The following DNAJA4 variants were observed in gnomAD, a reference collection of about 807,000 sequenced individuals.
The protein encoded by DNAJA4 is dnaJ homolog subfamily A member 4.
Under a neutral mutation model 39.7 loss-of-function variants are expected in DNAJA4, and 32 were observed. The ratio of observed to expected loss-of-function variants is 0.81; its 90% confidence interval spans 0.61 to 1.08. The LOEUF (loss-of-function observed/expected upper bound fraction) is 1.08. Among genes scored for constraint, DNAJA4 ranks in the 50% least tolerant of loss-of-function variants. The pLI, the probability that DNAJA4 is intolerant of heterozygous loss-of-function variation, is 0.00. For missense variants in DNAJA4, 439 were observed against 505.1 expected (o/e 0.87, Z 1.25); for synonymous variants, 184 against 182.4 (o/e 1.01, Z -0.07).
intron 5 of DNAJA4, chr15:78,278,206 A>G (rs1452253860): frequency 2.2e-6 from 1 of 456,038 alleles, no homozygotes; most frequent in Non-Finnish European, 4.4e-6. Context: ...TTCTTCTCTT[A>G]CCTGTAGTTT....
In DNAJA4 at chr15:78,279,554, C is replaced by T. The variant is rs552839427; in HGVS notation, c.878-491C>T. On this transcript the variant is annotated intron_variant, in intron 5 of 6. Coordinates refer to ENST00000394852, the MANE Select transcript of DNAJA4 (RefSeq NM_001130182.2). This position sits in a 1 kb window ranked among gnomAD's most constrained non-coding sequence, Gnocchi z 4.5. ...GTGGCCAAGCCACCTAGTGAGCTCC[C>T]TACCAAGGAACCTGGGTGTCACCTG... The T allele has an allele frequency of 1.2e-5, 2 of 164,620 alleles. No homozygotes were observed. Among genetic ancestry groups the T allele is most frequent in the Admixed American group, 5.5e-5 (1 of 18,020 alleles). 10.2% of individuals were successfully genotyped at this position (164,620 alleles called of 1,614,324 possible).
intron 5 of DNAJA4, among the ~76,000 whole-genome samples, chr15:78,276,244 A>G (rs1293380372): frequency 6.6e-6 from 1 of 152,228 alleles, no homozygotes; most frequent in East Asian, 1.9e-4. Context: ...ATGTTCCTGT[A>G]GCCTCTGTTG....
At chr15:78,265,373 AAC>A in intron 1 of DNAJA4, 2 of 659,424 alleles carry the variant, frequency 3.0e-6, no homozygotes, top group East Asian at 5.4e-5. Flanking sequence ...ACCTTGGACA[AAC>A]GCCGTGCCTC....
chr15:78,270,478 C>T lies in DNAJA4; in HGVS notation c.133-19C>T, dbSNP rs768138563. The stretch of plus-strand genomic sequence containing the variant: ...AACTGAAACTTCTCTAAAAATCTCT[C>T]TCTCTCTCTCTTTTAAAGTTTAAAC... On this transcript the variant is annotated intron_variant, in intron 1 of 6. Coordinates refer to ENST00000394852, the MANE Select transcript of DNAJA4 (RefSeq NM_001130182.2). 5 of 1,595,546 alleles carry T rather than the reference C, an allele frequency of 3.1e-6. No individual in the cohort carries two copies. The highest frequency in any genetic ancestry group is 3.4e-6 in the Non-Finnish European group (4 of 1,171,632).
intron 1 of DNAJA4, among the ~76,000 whole-genome samples, chr15:78,268,797 C>A (rs74998721): frequency 6.6e-6 from 1 of 152,340 alleles, no homozygotes; most frequent in Non-Finnish European, 1.5e-5. Context: ...ACAAAACCCC[C>A]CATCTTCATG....
rs1567118324 is a variant in DNAJA4, at chr15:78,275,601, T to A, written c.750T>A (p.Ser250Arg). 1.2e-6 allele frequency: 2 copies of A among 1,614,196 alleles called. No homozygotes were observed. The highest frequency in any genetic ancestry group is 1.7e-6 in the Non-Finnish European group (2 of 1,180,010). ...VIIVLDQKDH[S>R]VFQRRGHDLI... is the part of the protein sequence containing the mutation. ...TTGTGCTTGATCAGAAGGATCATAG[T>A]GTCTTTCAGAGACGAGGCCATGACT... Residue 250 changes from serine (S) to arginine (R), a missense_variant, in exon 5 of 7, where the codon AGT becomes AGA. Coordinates refer to ENST00000394852, the MANE Select transcript of DNAJA4 (RefSeq NM_001130182.2).
intron 2 of DNAJA4, 25 bp from the exon 3 acceptor site, chr15:78,273,070 C>G: frequency 7.5e-7 from 1 of 1,338,184 alleles, no homozygotes; most frequent in Non-Finnish European, 1.1e-6. Context: ...TTCAACGCCA[C>G]TAATTTTTTT....
At position 78,264,720 on chromosome 15, in the gene DNAJA4, G is replaced by A. The variant is rs761548457; in HGVS notation, c.-44G>A. 2.1e-6 allele frequency: 3 copies of A among 1,406,308 alleles called. No homozygotes were observed. The highest frequency in any genetic ancestry group is 2.8e-6 in the Non-Finnish European group (3 of 1,068,684). The allele number at this position is 1,406,308 out of a possible 1,614,324, so 87.1% of individuals were successfully genotyped here. On this transcript the variant is annotated 5_prime_UTR_variant, in exon 1 of 7. Coordinates refer to ENST00000394852, the MANE Select transcript of DNAJA4 (RefSeq NM_001130182.2). Reference sequence around the variant, plus strand: ...GGCCAGGGTGCCGGCAGGGGCGTCCGGGGCGCTCTGACCGGCCTCGCCCGC... The same window carrying A: ...GGCCAGGGTGCCGGCAGGGGCGTCCAGGGCGCTCTGACCGGCCTCGCCCGC...
Position 78,280,415 on chromosome 15 carries a change from G to A in DNAJA4, c.1149G>A (p.Glu383=). The A allele has an allele frequency of 6.2e-7, 1 of 1,613,758 alleles. No homozygotes were observed. The highest frequency in any genetic ancestry group is 8.5e-7 in the Non-Finnish European group (1 of 1,179,948). ...NWRQHREAYE[E]DEDGPQAGVQ... ...GTCAGCACAGGGAGGCCTACGAGGA[G>A]GACGAAGACGGGCCCCAGGCTGGAG... The change falls in exon 7 of 7, where the codon GAG becomes GAA. Residue 383 remains glutamate, a synonymous_variant. Transcript: ENST00000394852.
chr15:78,264,354 C>T (rs1221172112), upstream of DNAJA4: 2 of 1,449,654 alleles, frequency 1.4e-6, no homozygotes, highest in Non-Finnish European at 1.8e-6. Flanking sequence ...TCCGGGGAAT[C>T]AGACGGGCAG....
At chr15:78,273,831 G>A (rs2049369745) in intron 3 of DNAJA4, among the ~76,000 whole-genome samples, 1 of 152,166 alleles carries the variant, frequency 6.6e-6, no homozygotes, top group Admixed American at 6.5e-5. Flanking sequence ...TGGCTGAGCT[G>A]GGTAGCTGCC....
In DNAJA4 at chr15:78,275,629, A is replaced by G; in HGVS notation, c.778A>G (p.Ile260Val). ...CTTTCAGAGACGAGGCCATGACTTGATCATGAAAATGAAAATTCAGCTTTC... is the reference window on the plus strand; with the variant it reads ...CTTTCAGAGACGAGGCCATGACTTGGTCATGAAAATGAAAATTCAGCTTTC... ...SVFQRRGHDL[I>V]MKMKIQLSEA... Residue 260 changes from isoleucine to valine, a missense_variant, in exon 5 of 7, where the codon ATC (isoleucine) becomes GTC (valine). Ile to Val is a conservative substitution (Grantham distance 29). Transcript: ENST00000394852. The G allele has an allele frequency of 6.2e-7, 1 of 1,614,206 alleles. No homozygotes were observed. Among genetic ancestry groups the G allele is most frequent in the Non-Finnish European group, 8.5e-7 (1 of 1,180,004 alleles).
Position 78,280,354 on chromosome 15 carries a change from A to C in DNAJA4, c.1088A>C (p.Glu363Ala). Reference protein sequence around the residue: ...VRITDDMDQVELKEFCPNEQN... With the variant: ...VRITDDMDQVALKEFCPNEQN... Reference sequence around the variant, plus strand: ...ATTACAGATGACATGGATCAGGTGGAGCTGAAGGAGTTTTGTCCCAATGAG... The same window carrying C: ...ATTACAGATGACATGGATCAGGTGGCGCTGAAGGAGTTTTGTCCCAATGAG... The change falls in exon 7 of 7, where the codon GAG (glutamate) becomes GCG (alanine). Residue 363 changes from glutamate to alanine, a missense_variant. By Grantham distance (107) the Glu-to-Ala change is moderately radical. Coordinates refer to ENST00000394852, the MANE Select transcript of DNAJA4 (RefSeq NM_001130182.2). 1 of 1,614,228 alleles carries C rather than the reference A, an allele frequency of 6.2e-7. No homozygotes were observed. The highest frequency in any genetic ancestry group is 8.5e-7 in the Non-Finnish European group (1 of 1,180,040).
chr15:78,270,453 A>G (rs1274929258), intron 1 of DNAJA4, 44 bp from the exon 2 acceptor site: 1 of 1,586,494 alleles, frequency 6.3e-7, no homozygotes, highest in African/African-American at 1.4e-5. Flanking sequence ...TTAACAAAAC[A>G]ACTGAAACTT....
At position 78,264,571 on chromosome 15, in the gene DNAJA4, G is replaced by C; in HGVS notation, c.-193G>C. On this transcript the variant is annotated 5_prime_UTR_variant, in exon 1 of 7. Transcript: ENST00000394852. ...AGGAGCCGGTGGCTCTAGTGCGGTG[G>C]AGCCAGGCGTGGAAGTCGGTCCGGC... is the stretch of plus-strand genomic sequence containing the variant. 1 of 1,197,370 alleles carries C rather than the reference G, an allele frequency of 8.4e-7. No homozygotes were observed. Among genetic ancestry groups the C allele is most frequent in the Non-Finnish European group, 1.0e-6 (1 of 966,348 alleles). The allele number at this position is 1,197,370 out of a possible 1,614,324, so 74.2% of individuals were successfully genotyped here.
chr15:78,264,421 C>T (rs1200693484), upstream of DNAJA4: 13 of 1,359,606 alleles, frequency 9.6e-6, no homozygotes, highest in Non-Finnish European at 1.1e-5. Flanking sequence ...GCCGGACGGG[C>T]GTCGGGGGTC....
chr15:78,265,765 C>G (rs1428194387), intron 1 of DNAJA4: 1 of 669,718 alleles, frequency 1.5e-6, no homozygotes, highest in Non-Finnish European at 2.7e-6. Context: ...TCTTACAAAA[C>G]TTTGGTTGTT....
chr15:78,275,401 A>G (rs1217306136), intron 4 of DNAJA4, 97 bp from the exon 5 acceptor site: 3 of 1,019,038 alleles, frequency 2.9e-6, no homozygotes, highest in Non-Finnish European at 4.4e-6. Flanking sequence ...CTTGATGAAT[A>G]AAGAATCCCT....
chr15:78,275,717 C>T lies in DNAJA4; in HGVS notation c.866C>T (p.Thr289Ile), dbSNP rs2141456512. 1.2e-6 allele frequency: 2 copies of T among 1,603,414 alleles called. No individual in the cohort carries two copies. The highest frequency in any genetic ancestry group is 1.7e-6 in the Non-Finnish European group (2 of 1,172,448). ...TTGGACAATCGAATTCTTGTTATTA[C>T]ATCCAAAGCAGGTAATGTTTCAAAG... ...KTLDNRILVI[T>I]SKAGEVIKHG... Residue 289 changes from threonine to isoleucine, a missense_variant, in exon 5 of 7, where the codon ACA (threonine) becomes ATA (isoleucine). By Grantham distance (89) the Thr-to-Ile change is moderately conservative. Transcript: ENST00000394852.
Sources: gnomAD v4.1 joint callset for allele counts (sites outside exome capture counted in the v4.1 genomes callset) on GRCh38, gnomAD v4.1.1 for gene constraint, Gnocchi (gnomAD v3.1) non-coding constraint, MANE v1.5 for transcripts, NCBI Gene and HGNC (gene_info 2026-07-23, HGNC 2026-07-21) for gene names.